The following SETX variants were observed in gnomAD, a reference collection of about 807,000 sequenced individuals.
The protein encoded by SETX is senataxin, also known as helicase senataxin.
In SETX, 90 loss-of-function variants were observed where a neutral mutation model predicts 227.2. The observed-to-expected ratio is 0.40, with a 90% CI of 0.33 to 0.47. SETX has a LOEUF of 0.47. Ranked by LOEUF, SETX falls within the 20% of genes least tolerant of loss-of-function variation. The probability of loss-of-function intolerance (pLI) is 0.91; values close to 1 mark genes in which losing one functional copy is unlikely to be tolerated. For missense variants in SETX, 3,052 were observed against 3,181.5 expected, an observed-to-expected ratio of 0.96 and a Z score of 0.98; for synonymous variants, 1,210 against 1,113.2, an observed-to-expected ratio of 1.09 and a Z score of -1.73.
rs397741391 is a variant in SETX, at chr9:132,265,224, G to GTTTTTTT, written c.7288-246_7288-240dup. 1.0e-4 allele frequency among the ~76,000 whole-genome samples: 11 copies of GTTTTTTT among 106,424 alleles called. 1 individual carries two copies. The highest frequency in any genetic ancestry group is 2.3e-4 in the African/African-American group (6 of 26,296). 69.8% of individuals were successfully genotyped at this position (106,424 alleles called of 152,430 possible). On this transcript the variant is annotated intron_variant, in intron 25 of 25. Coordinates refer to ENST00000224140, the MANE Select transcript of SETX (RefSeq NM_015046.7). ...CCTATAATGGAGAACTTCAACTTTT[G>GTTTTTTT]TTTTTTTTTTTTTTTTTTTTGAGAC...
intron 25 of SETX, 59 bp downstream of exon 25, chr9:132,269,556 C>A: frequency 3.1e-6 from 5 of 1,611,000 alleles, no homozygotes; most frequent in Non-Finnish European, 4.2e-6. Flanking sequence ...AAAATAAGAA[C>A]AAAAACTCAA....
intron 11 of SETX, among the ~76,000 whole-genome samples, chr9:132,301,161 C>T (rs1298170760): frequency 2.1e-5 from 3 of 145,306 alleles, no homozygotes; most frequent in Non-Finnish European, 4.5e-5. Flanking sequence ...GGCGCGATCT[C>T]GGGTCACTGC....
At chr9:132,298,698 A>G (rs1462786719) in intron 12 of SETX, among the ~76,000 whole-genome samples, 1 of 152,238 alleles carries the variant, frequency 6.6e-6, no homozygotes, top group Non-Finnish European at 1.5e-5. Flanking sequence ...TACATGCAGA[A>G]AATAAGCAAC....
chr9:132,322,207 T>A (rs1275917197), intron 10 of SETX, among the ~76,000 whole-genome samples: 4 of 152,238 alleles, frequency 2.6e-5, no homozygotes, highest in Non-Finnish European at 5.9e-5. Flanking sequence ...TTTAAAGTAA[T>A]ATTTTTTAAA....
chr9:132,268,328 T>C (rs1842741629), intron 25 of SETX, among the ~76,000 whole-genome samples: 1 of 152,134 alleles, frequency 6.6e-6, no homozygotes, highest in Non-Finnish European at 1.5e-5. Context: ...CTGGACAACA[T>C]GGTAAGACCC....
At chr9:132,323,315 G>A (rs940235970) in intron 10 of SETX, among the ~76,000 whole-genome samples, 3 of 152,136 alleles carry the variant, frequency 2.0e-5, no homozygotes, top group Admixed American at 1.3e-4. Context: ...TTAGTGATAA[G>A]TAGAAAATTA....
In SETX at chr9:132,328,627, C is replaced by G. The variant is rs1406928612; in HGVS notation, c.2971G>C (p.Val991Leu). Residue 991 changes from valine to leucine, a missense_variant, in exon 10 of 26, where the codon GTA becomes CTA. This residue lies in a region of SETX where 1,483 missense variants were observed against 1,312.0 expected (regional missense o/e 1.13). Coordinates refer to ENST00000224140, the MANE Select transcript of SETX (RefSeq NM_015046.7). Reference sequence around the variant, plus strand: ...GTGAAACATCTTTTATCTTCTTTTACTTTCCTTTGCAGCTGCGATGAGTTC... The same window carrying G: ...GTGAAACATCTTTTATCTTCTTTTAGTTTCCTTTGCAGCTGCGATGAGTTC... ...PQNSSQLQRKVKEDKRCFTAN... is the reference protein window; with the variant it reads ...PQNSSQLQRKLKEDKRCFTAN... 2 of 1,613,302 alleles carry G rather than the reference C, an allele frequency of 1.2e-6. No individual in the cohort carries two copies. Among genetic ancestry groups the G allele is most frequent in the Non-Finnish European group, 1.7e-6 (2 of 1,179,716 alleles).
rs1471003365 is a variant in SETX at position 132,264,332 on chromosome 9, A to C, written c.7941T>G (p.Gly2647=). The change falls in exon 26 of 26, where the codon GGT becomes GGG. Residue 2647 remains glycine (G), a synonymous_variant. Coordinates refer to ENST00000224140, the MANE Select transcript of SETX (RefSeq NM_015046.7). ...TCCTCCTGGTGTGATGGGTCTCGGA[A>C]CCACACTTCTCCTGCTCCCCTTCAC... ...AFSEGEQEKC[G]SETHHTRRNS... is the part of the protein sequence containing the mutation. The C allele has an allele frequency of 6.8e-6, 11 of 1,613,988 alleles. No homozygotes were observed. Among genetic ancestry groups the C allele is most frequent in the Non-Finnish European group, 8.5e-6 (10 of 1,180,022 alleles).
chr9:132,355,313 C>T (rs1399263167), upstream of SETX, among the ~76,000 whole-genome samples: 2 of 152,138 alleles, frequency 1.3e-5, no homozygotes, highest in African/African-American at 4.8e-5. Context: ...TGGGGTCAGC[C>T]CTTACCCGCT....
intron 17 of SETX, among the ~76,000 whole-genome samples, 188 bp from the exon 18 acceptor site, chr9:132,286,682 T>C (rs896806378): frequency 6.6e-6 from 1 of 152,222 alleles, no homozygotes; most frequent in Non-Finnish European, 1.5e-5. Flanking sequence ...CTCAGCTGTG[T>C]TCTGTGCGCT....
intron 7 of SETX, among the ~76,000 whole-genome samples, chr9:132,333,584 A>T (rs1257937837): frequency 6.6e-6 from 1 of 151,974 alleles, no homozygotes; most frequent in Non-Finnish European, 1.5e-5. Context: ...ATGTTTTCTC[A>T]TAGGATCTGG....
At chr9:132,333,054 G>GT (rs1035516666) in intron 7 of SETX, among the ~76,000 whole-genome samples, 7 of 151,780 alleles carry the variant, frequency 4.6e-5, no homozygotes, top group African/African-American at 1.7e-4. Context: ...TGGCAAAAGA[G>GT]TAATAGCCTC....
intron 10 of SETX, among the ~76,000 whole-genome samples, chr9:132,320,379 T>C (rs1391809036): frequency 2.0e-5 from 3 of 151,964 alleles, no homozygotes; most frequent in Non-Finnish European, 4.4e-5. Flanking sequence ...ATTGAGACCA[T>C]CCTGGCTAAC....
chr9:132,328,083 T>C lies in SETX; in HGVS notation c.3515A>G (p.Asp1172Gly), dbSNP rs1347518082. 6.2e-7 allele frequency: 1 copy of C among 1,614,104 alleles called. No homozygotes were observed. The highest frequency in any genetic ancestry group is 8.5e-7 in the Non-Finnish European group (1 of 1,180,010). Residue 1172 changes from aspartate (D) to glycine (G), a missense_variant, in exon 10 of 26, where the codon GAT becomes GGT. Asp to Gly is a moderately conservative substitution (Grantham distance 94, BLOSUM62 -1). This residue lies in a region of SETX where 1,483 missense variants were observed against 1,312.0 expected (regional missense o/e 1.13). Transcript: ENST00000224140. ...GACAGAAGATGAAGGCCTCACAGGATCTTCAGCCATTGGTTTTTCAGATCG... is the reference window on the plus strand; with the variant it reads ...GACAGAAGATGAAGGCCTCACAGGACCTTCAGCCATTGGTTTTTCAGATCG... ...RKRSEKPMAE[D>G]PVRPSSSVRN... is the part of the protein sequence containing the mutation.
At position 132,327,855 on chromosome 9, in the gene SETX, T is replaced by A. The variant is rs775860600; in HGVS notation, c.3743A>T (p.Asp1248Val). The change falls in exon 10 of 26, where the codon GAT becomes GTT. Residue 1248 changes from aspartate to valine, a missense_variant. Around this residue, in one of 10 missense-constraint regions of SETX, gnomAD observed 1,483 missense variants for 1,312.0 expected, o/e 1.13. Transcript: ENST00000224140. ...VSKTPKKTHS[D>V]AKKGQNRSSN... ...ACTTCTATTCTGTCCTTTTTTGGCA[T>A]CTGAATGAGTTTTCTTAGGGGTCTT... is the stretch of plus-strand genomic sequence containing the variant. 3 of 1,614,092 alleles carry A rather than the reference T, an allele frequency of 1.9e-6. No individual in the cohort carries two copies. In the African/African-American group the frequency reaches 4.0e-5, roughly 22 times the overall value.
chr9:132,308,759 G>T (rs1215341156), intron 11 of SETX, among the ~76,000 whole-genome samples: 1 of 152,162 alleles, frequency 6.6e-6, no homozygotes, highest in Non-Finnish European at 1.5e-5. Flanking sequence ...AGTATTAAAA[G>T]TTGTCAATTC....
At chr9:132,268,627 A>G (rs11243702) in intron 25 of SETX, among the ~76,000 whole-genome samples, 25,022 of 152,214 alleles carry the variant, frequency 0.16, 2,124 homozygotes, top group East Asian at 0.29. Flanking sequence ...GTACAATTTC[A>G]AAGAGAGGAA....
chr9:132,356,022 G>C (rs182086274), upstream of SETX, among the ~76,000 whole-genome samples: 858 of 147,742 alleles, frequency 5.8e-3, 3 homozygotes, highest in South Asian at 9.2e-3. Flanking sequence ...ATTAGCACCT[G>C]TGGGCCCAGC....
At chr9:132,350,863 A>G (rs58049280) in intron 2 of SETX, among the ~76,000 whole-genome samples, 5 of 152,350 alleles carry the variant, frequency 3.3e-5, no homozygotes, top group African/African-American at 1.2e-4. Context: ...CTGAAAGCAG[A>G]GAAAAAGGAT....
Sources: allele counts gnomAD v4.1 joint callset (sites outside exome capture counted in the v4.1 genomes callset), GRCh38; gene constraint gnomAD v4.1.1; regional missense constraint gnomAD v4.1.1; transcripts MANE v1.5; gene names NCBI Gene and HGNC (gene_info 2026-07-23, HGNC 2026-07-21).